SLCO6A1: variants seen among roughly 807,000 people sequenced by gnomAD.
The protein encoded by SLCO6A1 is cancer/testis antigen 48.
Under a neutral mutation model 72.7 loss-of-function variants are expected in SLCO6A1, and 65 were observed. That is an observed-to-expected ratio of 0.89 (90% confidence interval 0.73 to 1.10). The LOEUF is 1.10. Ranked by LOEUF, SLCO6A1 falls within the 50% of genes least tolerant of loss-of-function variation. The probability of loss-of-function intolerance (pLI) is 0.00; values close to 1 mark genes in which losing one functional copy is unlikely to be tolerated. For missense variants in SLCO6A1, 874 were observed against 872.6 expected (o/e 1.00, Z -0.02); for synonymous variants, 314 against 298.2 (o/e 1.05, Z -0.55).
At chr5:102,452,635 CT>C (rs1750479392) in intron 6 of SLCO6A1, among the ~76,000 whole-genome samples, 1 of 152,064 alleles carries the variant, frequency 6.6e-6, no homozygotes, top group Non-Finnish European at 1.5e-5. Context: ...CTTTCCTTTC[CT>C]TTTTGGAAAA....
At chr5:102,433,484 G>A (rs1476080015) in intron 7 of SLCO6A1, among the ~76,000 whole-genome samples, 1 of 152,034 alleles carries the variant, frequency 6.6e-6, no homozygotes, top group Non-Finnish European at 1.5e-5. Flanking sequence ...GTTGTATAAG[G>A]TGGGTTCATT....
intron 3 of SLCO6A1, among the ~76,000 whole-genome samples, chr5:102,477,298 AT>A (rs1203974771): frequency 1.3e-5 from 2 of 151,672 alleles, no homozygotes; most frequent in African/African-American, 4.8e-5. Flanking sequence ...ATTTTTTTGT[AT>A]TTTTAGTAAA....
chr5:102,382,592 A>T (rs1746169699), intron 12 of SLCO6A1, among the ~76,000 whole-genome samples: 1 of 151,418 alleles, frequency 6.6e-6, no homozygotes, highest in African/African-American at 2.4e-5. Context: ...ACATGTTAAC[A>T]ATTTTAATTC....
intron 6 of SLCO6A1, among the ~76,000 whole-genome samples, chr5:102,442,297 G>A (rs1427310367): frequency 1.3e-5 from 2 of 152,078 alleles, no homozygotes; most frequent in African/African-American, 4.8e-5. Context: ...ACAAGTAATG[G>A]ATATGTGTGT....
intron 9 of SLCO6A1, among the ~76,000 whole-genome samples, chr5:102,411,453 C>A (rs1747975568): frequency 6.6e-6 from 1 of 152,022 alleles, no homozygotes; most frequent in Non-Finnish European, 1.5e-5. Flanking sequence ...TTTGTAGAGA[C>A]AGGGTTTCGC....
At chr5:102,373,724 TGCAAGGTGTG>T (rs1745616422) in intron 12 of SLCO6A1, among the ~76,000 whole-genome samples, 1 of 152,178 alleles carries the variant, frequency 6.6e-6, no homozygotes, top group South Asian at 2.1e-4. Context: ...CCTTCCCAAG[TGCAAGGTGTG>T]CTATTACCTC....
rs1191261009 is a variant in SLCO6A1, at chr5:102,399,538, G to T, written c.1814+17C>A. On this transcript the variant is annotated intron_variant, in intron 10 of 13. Transcript: ENST00000506729. ...TATATATTAAATAAACAATAATAAT[G>T]AGTAATATATACATACCGCGTCATG... 7.5e-7 allele frequency: 1 copy of T among 1,333,262 alleles called. No homozygotes were observed. Among genetic ancestry groups the T allele is most frequent in the Middle Eastern group, 2.2e-4 (1 of 4,604 alleles). 82.6% of individuals were successfully genotyped at this position (1,333,262 alleles called of 1,614,324 possible). A position where few individuals can be genotyped will look rare whatever the true frequency, so the allele number is the denominator to read the frequency against.
At chr5:102,427,866 T>TATA (rs1748998332) in intron 7 of SLCO6A1, among the ~76,000 whole-genome samples, 3 of 66,726 alleles carry the variant, frequency 4.5e-5, no homozygotes, top group South Asian at 4.4e-4. Context: ...ATATATATAT[T>TATA]TTTTTTTTTT....
In SLCO6A1 at chr5:102,459,794, TG is replaced by T. The variant is rs769871366; in HGVS notation, c.900-18del. 3.9e-6 allele frequency: 6 copies of T among 1,538,072 alleles called. No homozygotes were observed. Among genetic ancestry groups the T allele is most frequent in the Non-Finnish European group, 5.2e-6 (6 of 1,150,362 alleles). On this transcript the variant is annotated intron_variant, in intron 4 of 13. Transcript: ENST00000506729. ...ACTGTAGTGCTTTAATAAAGAAAAG[TG>T]AAAAAAAAAAGCAACTTTAGGTATT...
intron 1 of SLCO6A1, among the ~76,000 whole-genome samples, chr5:102,484,466 T>C (rs1387992860): frequency 6.6e-6 from 1 of 152,050 alleles, no homozygotes; most frequent in Non-Finnish European, 1.5e-5. Flanking sequence ...CTGACCAACA[T>C]GGTGAAACCC....
At chr5:102,394,652 AG>A (rs1379445211) in intron 10 of SLCO6A1, among the ~76,000 whole-genome samples, 3 of 152,090 alleles carry the variant, frequency 2.0e-5, no homozygotes, top group African/African-American at 7.2e-5. Flanking sequence ...ATAAATAGAG[AG>A]GATCTCTATG....
At chr5:102,477,316 GT>G (rs1751951879) in intron 3 of SLCO6A1, among the ~76,000 whole-genome samples, 1 of 151,954 alleles carries the variant, frequency 6.6e-6, no homozygotes, top group African/African-American at 2.4e-5. Context: ...TAAAGACAGG[GT>G]TTCACTATGT....
At chr5:102,487,974 T>C (rs1752515218) in intron 1 of SLCO6A1, among the ~76,000 whole-genome samples, 1 of 152,224 alleles carries the variant, frequency 6.6e-6, no homozygotes, top group Non-Finnish European at 1.5e-5. Context: ...CCATCCCAGC[T>C]TGTTTAAATA....
rs149917171 is a variant in SLCO6A1, at chr5:102,493,336, T to C, written c.358+5151A>G. ...AGGGCTTATCCTAGGAATGCAAGGT[T>C]TGTCAAATATCCAAATATTAAAAAA... On this transcript the variant is annotated intron_variant, in intron 1 of 13. Transcript: ENST00000506729. Among the ~76,000 whole-genome samples the C allele has an allele frequency of 2.1e-3, 317 of 152,242 alleles. 3 individuals are homozygous for C. The highest frequency in any genetic ancestry group is 7.2e-3 in the African/African-American group (301 of 41,556).
intron 6 of SLCO6A1, among the ~76,000 whole-genome samples, chr5:102,443,754 TAA>T (rs1174219575): frequency 6.6e-6 from 1 of 152,206 alleles, no homozygotes; most frequent in Admixed American, 6.5e-5. Flanking sequence ...TTCTGCATTT[TAA>T]AAAGTCTATT....
intron 12 of SLCO6A1, among the ~76,000 whole-genome samples, chr5:102,384,715 T>C (rs923468337): frequency 1.3e-5 from 2 of 152,156 alleles, no homozygotes; most frequent in African/African-American, 2.4e-5. Context: ...AGTTGTATAG[T>C]ACATTTAAAA....
chr5:102,458,406 G>A lies in SLCO6A1; in HGVS notation c.1107C>T (p.Ile369=), dbSNP rs751536845. The part of the protein sequence containing the change: ...RLKDLKLGTN[I]KDLCAALWIL... Reference sequence around the variant, plus strand: ...CCCAAAGAGCAGCACATAAATCCTTGATATTAGTTCCAAGTTTCAGATCTT... The same window carrying A: ...CCCAAAGAGCAGCACATAAATCCTTAATATTAGTTCCAAGTTTCAGATCTT... The change falls in exon 6 of 14, where the codon ATC becomes ATT. Residue 369 remains isoleucine, a synonymous_variant. Coordinates refer to ENST00000506729, the MANE Select transcript of SLCO6A1 (RefSeq NM_173488.5). 1.2e-6 allele frequency: 2 copies of A among 1,611,708 alleles called. No individual in the cohort carries two copies. The highest frequency in any genetic ancestry group is 3.3e-5 in the Admixed American group (2 of 59,758).
At chr5:102,389,451 C>A (rs1385809184) in intron 11 of SLCO6A1, among the ~76,000 whole-genome samples, 2 of 65,098 alleles carry the variant, frequency 3.1e-5, no homozygotes, top group African/African-American at 5.3e-5. Flanking sequence ...CCCCGCCCCC[C>A]ACCCCCACAC....
intron 1 of SLCO6A1, among the ~76,000 whole-genome samples, chr5:102,497,372 AC>A (rs1213729419): frequency 6.6e-6 from 1 of 152,172 alleles, no homozygotes; most frequent in Admixed American, 6.5e-5. Context: ...GATCATAGAC[AC>A]CGTTTTCAAC....
Sources: gnomAD v4.1 joint callset for allele counts (sites outside exome capture counted in the v4.1 genomes callset) on GRCh38, gnomAD v4.1.1 for gene constraint, MANE v1.5 for transcripts, NCBI Gene and HGNC (gene_info 2026-07-23, HGNC 2026-07-21) for gene names.